The following ARSB variants were observed in gnomAD, a reference collection of about 807,000 sequenced individuals.
ARSB encodes N-acetylgalactosamine-4-sulfatase.
Under a neutral mutation model 50.9 loss-of-function variants are expected in ARSB, and 41 were observed. The observed-to-expected ratio is 0.81, with a 90% confidence interval of 0.63 to 1.04. The LOEUF (loss-of-function observed/expected upper bound fraction) is 1.04, where lower values mean the gene tolerates loss of function less well. ARSB is among the 50% of genes least tolerant of loss of function. The probability of loss-of-function intolerance (pLI) is 0.00; values close to 1 mark genes in which losing one functional copy is unlikely to be tolerated. For missense variants in ARSB, 672 were observed against 693.3 expected (o/e 0.97, Z 0.35); for synonymous variants, 269 against 284.8 (o/e 0.94, Z 0.56).
intron 4 of ARSB, among the ~76,000 whole-genome samples, chr5:78,947,325 C>A (rs1429701129): frequency 2.0e-5 from 3 of 151,966 alleles, no homozygotes; most frequent in African/African-American, 7.2e-5. Flanking sequence ...AGAAAATGAC[C>A]AACAAAGTGA....
At chr5:78,838,846 G>A (rs575642545) in intron 6 of ARSB, among the ~76,000 whole-genome samples, 2 of 141,976 alleles carry the variant, frequency 1.4e-5, no homozygotes, top group East Asian at 2.1e-4. Context: ...AGAATCAAGC[G>A]GAATCACTTC....
chr5:78,864,476 G>C (rs932006447), intron 5 of ARSB, among the ~76,000 whole-genome samples: 2 of 152,106 alleles, frequency 1.3e-5, no homozygotes, highest in Admixed American at 6.5e-5. Context: ...CTGCCACCGG[G>C]TCCCTCCCAT....
At chr5:78,895,221 GA>G (rs1433152864) in intron 4 of ARSB, among the ~76,000 whole-genome samples, 1 of 152,188 alleles carries the variant, frequency 6.6e-6, no homozygotes, top group Non-Finnish European at 1.5e-5. Flanking sequence ...AAGTCAGGAA[GA>G]TGCATACTGC....
chr5:78,905,757 C>T (rs1376274062), intron 4 of ARSB, among the ~76,000 whole-genome samples: 2 of 151,916 alleles, frequency 1.3e-5, no homozygotes, highest in African/African-American at 4.8e-5. Flanking sequence ...GTTCTTCTCT[C>T]CCTTTAGATC....
chr5:78,872,194 A>G (rs1190664530), intron 5 of ARSB, among the ~76,000 whole-genome samples: 1 of 150,510 alleles, frequency 6.6e-6, no homozygotes, highest in Non-Finnish European at 1.5e-5. Context: ...GTGGAGAAAC[A>G]GGAACACTTT....
intron 4 of ARSB, among the ~76,000 whole-genome samples, chr5:78,919,264 G>A (rs1749695562): frequency 6.6e-6 from 1 of 152,162 alleles, no homozygotes. Context: ...TTCCATTAAT[G>A]TCTGCTTACC....
chr5:78,889,122 T>C (rs898434516), intron 4 of ARSB, among the ~76,000 whole-genome samples: 1 of 152,210 alleles, frequency 6.6e-6, no homozygotes, highest in African/African-American at 2.4e-5. Flanking sequence ...GTTAACTATA[T>C]GAGAAATAGG....
intron 3 of ARSB, among the ~76,000 whole-genome samples, chr5:78,959,613 T>G (rs1173803653): frequency 6.6e-6 from 1 of 152,122 alleles, no homozygotes; most frequent in Admixed American, 6.5e-5. Flanking sequence ...ACTATACCAG[T>G]CCATGTCGGT....
intron 5 of ARSB, among the ~76,000 whole-genome samples, chr5:78,863,363 T>A (rs922403902): frequency 2.6e-5 from 4 of 152,114 alleles, no homozygotes; most frequent in Non-Finnish European, 5.9e-5. Flanking sequence ...AACTCACATG[T>A]CCATCAATGA....
chr5:78,977,658 T>G (rs1752727640), intron 1 of ARSB, among the ~76,000 whole-genome samples: 1 of 152,172 alleles, frequency 6.6e-6, no homozygotes, highest in Non-Finnish European at 1.5e-5. Context: ...ACAAGACAAG[T>G]ATGTCCACTC....
chr5:78,974,702 G>A (rs780239354), intron 1 of ARSB, among the ~76,000 whole-genome samples: 1 of 152,144 alleles, frequency 6.6e-6, no homozygotes, highest in African/African-American at 2.4e-5. Context: ...CAATTTCCTG[G>A]CAGGTAAAAG....
At chr5:78,841,809 T>G (rs576257554) in intron 5 of ARSB, among the ~76,000 whole-genome samples, 58 of 152,134 alleles carry the variant, frequency 3.8e-4, no homozygotes, top group Admixed American at 7.2e-4. Context: ...TCCTAGTTGA[T>G]TGTTAGGAAA....
At chr5:78,903,916 T>C (rs778633506) in intron 4 of ARSB, among the ~76,000 whole-genome samples, 2 of 152,206 alleles carry the variant, frequency 1.3e-5, no homozygotes, top group East Asian at 1.9e-4. Context: ...TTTTAACAAA[T>C]AGAGTCATAT....
intron 4 of ARSB, among the ~76,000 whole-genome samples, chr5:78,895,453 T>G (rs986274701): frequency 2.0e-5 from 3 of 152,212 alleles, no homozygotes; most frequent in African/African-American, 7.2e-5. Context: ...TAAGGATGGT[T>G]TAGACCTAGC....
chr5:78,853,795 T>C (rs1372804485), intron 5 of ARSB, among the ~76,000 whole-genome samples: 1 of 152,250 alleles, frequency 6.6e-6, no homozygotes, highest in Non-Finnish European at 1.5e-5. Flanking sequence ...CGCTGCCGCC[T>C]TGCAGTTTGA....
chr5:78,834,458 A>T (rs910916211), intron 6 of ARSB, among the ~76,000 whole-genome samples: 4 of 151,466 alleles, frequency 2.6e-5, no homozygotes, highest in East Asian at 1.9e-4. Flanking sequence ...GAATCTGACC[A>T]CTTTAGGTAC....
At chr5:78,876,240 T>G (rs1248128562) in intron 5 of ARSB, among the ~76,000 whole-genome samples, 1 of 152,108 alleles carries the variant, frequency 6.6e-6, no homozygotes. Context: ...AGTTATAAGA[T>G]TTAAAGTATT....
intron 1 of ARSB, among the ~76,000 whole-genome samples, chr5:78,978,579 A>C (rs1371009554): frequency 6.6e-6 from 1 of 152,214 alleles, no homozygotes; most frequent in African/African-American, 2.4e-5. Context: ...ACAAAATTGG[A>C]AGACTTGCAT....
intron 5 of ARSB, among the ~76,000 whole-genome samples, chr5:78,880,107 T>C (rs1046517131): frequency 6.6e-6 from 1 of 152,180 alleles, no homozygotes; most frequent in Non-Finnish European, 1.5e-5. Flanking sequence ...CCCTGTTCCA[T>C]AAGAGATTGG....
Sources: allele counts gnomAD v4.1 joint callset (sites outside exome capture counted in the v4.1 genomes callset), GRCh38; gene constraint gnomAD v4.1.1; transcripts MANE v1.5; gene names NCBI Gene and HGNC (gene_info 2026-07-23, HGNC 2026-07-21).